The following DMD variants were observed in gnomAD, a reference collection of about 807,000 sequenced individuals.
The protein encoded by DMD is dystrophin, also known as mutant dystrophin.
Under a neutral mutation model 330.1 loss-of-function variants are expected in DMD, and 63 were observed. The ratio of observed to expected loss-of-function variants is 0.19; its 90% CI spans 0.16 to 0.24. The LOEUF is 0.24. Ranked by LOEUF, DMD falls within the 10% of genes least tolerant of loss-of-function variation. DMD has a pLI of 1.00. For synonymous variants in DMD, 1,223 were observed against 959.8 expected (o/e 1.27, Z -5.07); for missense variants, 3,344 against 2,684.1 (o/e 1.25, Z -5.43).
At chrX:32,240,244 T>C (rs1360325417) in intron 43 of DMD, among the ~76,000 whole-genome samples, 1 of 111,789 alleles carries the variant, frequency 8.9e-6, no homozygotes, top group East Asian at 2.8e-4. Flanking sequence ...ATGATCTGAG[T>C]GTGTTCTTGC....
chrX:32,817,966 G>C (rs1485446670), intron 5 of DMD, among the ~76,000 whole-genome samples: 1 of 111,789 alleles, frequency 8.9e-6, no homozygotes, highest in African/African-American at 3.3e-5. Context: ...ATTTAGGAGT[G>C]GATTATCCAA....
intron 63 of DMD, among the ~76,000 whole-genome samples, chrX:31,245,053 A>G (rs773756792): frequency 8.9e-6 from 1 of 111,856 alleles, no homozygotes; most frequent in African/African-American, 3.2e-5. Flanking sequence ...TGTCATATAA[A>G]TTCTGAATCC....
At chrX:31,396,215 G>A (rs2060924327) in intron 60 of DMD, among the ~76,000 whole-genome samples, 1 of 105,431 alleles carries the variant, frequency 9.5e-6, no homozygotes. Flanking sequence ...TCGGCTCACT[G>A]CAAGCTCCGC....
intron 7 of DMD, among the ~76,000 whole-genome samples, chrX:32,803,288 G>A (rs149217168): frequency 0.062 from 6,931 of 111,283 alleles, 530 homozygotes; most frequent in African/African-American, 0.22. Flanking sequence ...ATGGTAGTTT[G>A]TATTTCTGTG....
At chrX:32,850,312 C>T (rs1250852600) in intron 2 of DMD, among the ~76,000 whole-genome samples, 1 of 111,957 alleles carries the variant, frequency 8.9e-6, no homozygotes, top group Non-Finnish European at 1.9e-5. Context: ...TATTCTCATA[C>T]TGGATAACTC....
In DMD at chrX:32,892,456, C is replaced by T. The variant is rs6631664; in HGVS notation, c.94-42636G>A. Among the ~76,000 whole-genome samples, 19 of 112,018 alleles carry T rather than the reference C, an allele frequency of 1.7e-4. No homozygotes were observed. The East Asian group carries it at 5.4e-3, about 32-fold the overall frequency. ...TTGCCCAGGCTGGAGCGCAACGGTG[C>T]GATCTCGGCTCACTGCAACCTCTGC... On this transcript the variant is annotated intron_variant, in intron 2 of 78. Transcript: ENST00000357033.
intron 55 of DMD, among the ~76,000 whole-genome samples, chrX:31,552,157 C>A (rs752291191): frequency 5.4e-5 from 6 of 111,736 alleles, no homozygotes; most frequent in South Asian, 3.8e-4. Flanking sequence ...ACTGCTAGAT[C>A]CTCTTTTCAG....
intron 1 of DMD, among the ~76,000 whole-genome samples, chrX:33,089,454 G>C (rs1210524185): frequency 9.0e-6 from 1 of 110,907 alleles, no homozygotes; most frequent in Non-Finnish European, 1.9e-5. Flanking sequence ...AGCTACCTGG[G>C]GGACTGAAGT....
chrX:31,397,386 T>C (rs1236428004), intron 60 of DMD, among the ~76,000 whole-genome samples: 1 of 112,022 alleles, frequency 8.9e-6, no homozygotes, highest in Non-Finnish European at 1.9e-5. Flanking sequence ...AACACAACTG[T>C]CAGAGGAACA....
At chrX:31,346,146 T>C (rs1424722212) in intron 61 of DMD, among the ~76,000 whole-genome samples, 1 of 111,459 alleles carries the variant, frequency 9.0e-6, no homozygotes, top group Non-Finnish European at 1.9e-5. Context: ...CTATAAAATA[T>C]ATAAATTAAG....
chrX:33,076,636 T>C (rs917194415), intron 1 of DMD, among the ~76,000 whole-genome samples: 3 of 112,166 alleles, frequency 2.7e-5, no homozygotes, highest in East Asian at 2.8e-4. Context: ...AACGTTTATA[T>C]AGCACTTTAA....
At chrX:31,405,891 C>G (rs767440491) in intron 60 of DMD, among the ~76,000 whole-genome samples, 1 of 111,650 alleles carries the variant, frequency 9.0e-6, no homozygotes, top group African/African-American at 3.2e-5. Flanking sequence ...ATGCTTTCAA[C>G]GATATTAAAG....
chrX:33,287,544 C>A (rs2148927149), intron 1 of DMD, among the ~76,000 whole-genome samples: 1 of 111,594 alleles, frequency 9.0e-6, no homozygotes, highest in East Asian at 2.8e-4. Context: ...CACTATTGAA[C>A]AATGAAAATC....
intron 60 of DMD, among the ~76,000 whole-genome samples, chrX:31,381,336 C>T (rs1036954185): frequency 8.9e-6 from 1 of 111,856 alleles, no homozygotes; most frequent in African/African-American, 3.3e-5. Flanking sequence ...TACTGTTTTG[C>T]CTAGCCCTCA....
intron 12 of DMD, among the ~76,000 whole-genome samples, chrX:32,606,722 CATATATAT>C (rs59502866): frequency 6.4e-4 from 55 of 85,882 alleles, no homozygotes; most frequent in African/African-American, 1.9e-3. Context: ...TGTATATACG[CATATATAT>C]ATATATATAT....
chrX:32,339,072 C>T (rs926123442), intron 41 of DMD, among the ~76,000 whole-genome samples: 1 of 111,679 alleles, frequency 9.0e-6, no homozygotes, highest in Non-Finnish European at 1.9e-5. Context: ...ACGAAGAAAA[C>T]TTTCATGCAT....
chrX:32,126,306 C>A (rs947275765), intron 44 of DMD, among the ~76,000 whole-genome samples: 9 of 112,123 alleles, frequency 8.0e-5, no homozygotes, highest in Admixed American at 9.5e-5. Flanking sequence ...TGGTCTGACA[C>A]AGTGAGGCAA....
At position 32,545,049 on chromosome X, in the gene DMD, G is replaced by T. The variant is rs533044042; in HGVS notation, c.2168+110C>A. The T allele has an allele frequency of 1.6e-3, 1,167 of 744,982 alleles. 12 individuals are homozygous for T. In the South Asian group the frequency reaches 0.026, roughly 16 times the overall value. The allele number at this position is 744,982 out of a possible 1,213,427, so 61.4% of individuals were successfully genotyped here. ...TCTCACTACATTAACTGACATTACA[G>T]GTACCCGAGGATTCTGGAAATATTG... On this transcript the variant is annotated intron_variant, in intron 17 of 78. Coordinates refer to ENST00000357033, the MANE Select transcript of DMD (RefSeq NM_004006.3).
At chrX:32,563,410 T>C (rs975101191) in intron 16 of DMD, among the ~76,000 whole-genome samples, 2 of 107,182 alleles carry the variant, frequency 1.9e-5, no homozygotes, top group African/African-American at 3.4e-5. Context: ...CTGAACTACA[T>C]GACTTACATA....
Sources: allele counts gnomAD v4.1 joint callset (sites outside exome capture counted in the v4.1 genomes callset), GRCh38; gene constraint gnomAD v4.1.1; transcripts MANE v1.5; gene names NCBI Gene and HGNC (gene_info 2026-07-23, HGNC 2026-07-21).